Variants in ATXN7L1 observed in about 807,000 individuals in gnomAD.
ATXN7L1 encodes ataxin 7 like 1, also known as ataxin-7-like protein 1.
In ATXN7L1, 15 loss-of-function variants were observed where a neutral mutation model predicts 70.8. That is an observed-to-expected ratio of 0.21 (90% CI 0.14 to 0.33). The LOEUF is 0.33. Among genes scored for constraint, ATXN7L1 ranks in the 10% least tolerant of loss-of-function variants. The pLI, the probability that ATXN7L1 is intolerant of heterozygous loss-of-function variation, is 1.00. For synonymous variants in ATXN7L1, 440 were observed against 445.1 expected, an observed-to-expected ratio of 0.99 and a Z score of 0.14; for missense variants, 975 against 1,097.1, an observed-to-expected ratio of 0.89 and a Z score of 1.57.
intron 7 of ATXN7L1, among the ~76,000 whole-genome samples, chr7:105,637,388 C>A (rs1056028042): frequency 6.6e-6 from 1 of 152,220 alleles, no homozygotes; most frequent in Non-Finnish European, 1.5e-5. Flanking sequence ...ACACTGTATG[C>A]ATAAAAAACA....
At chr7:105,705,628 C>T (rs1793063534) in intron 3 of ATXN7L1, among the ~76,000 whole-genome samples, 1 of 152,190 alleles carries the variant, frequency 6.6e-6, no homozygotes, top group African/African-American at 2.4e-5. Flanking sequence ...CCATGCACCC[C>T]TGCCACTTGC....
At chr7:105,750,312 C>G (rs1403701982) in intron 3 of ATXN7L1, among the ~76,000 whole-genome samples, 1 of 150,604 alleles carries the variant, frequency 6.6e-6, no homozygotes, top group African/African-American at 2.4e-5. Context: ...GGATCTCACT[C>G]TATTGCCCGG....
At chr7:105,827,518 A>G (rs1394885104) in intron 2 of ATXN7L1, among the ~76,000 whole-genome samples, 1 of 152,210 alleles carries the variant, frequency 6.6e-6, no homozygotes, top group African/African-American at 2.4e-5. Context: ...CTTATATACC[A>G]AAGTTTTTCA....
At chr7:105,819,475 C>T (rs1809741893) in intron 2 of ATXN7L1, 2 of 775,000 alleles carry the variant, frequency 2.6e-6, no homozygotes, top group South Asian at 1.4e-5. Context: ...GTGTCCTTTC[C>T]CAGGGGGCTG....
chr7:105,778,899 C>G (rs1287612711), intron 3 of ATXN7L1, among the ~76,000 whole-genome samples: 1 of 152,198 alleles, frequency 6.6e-6, no homozygotes, highest in African/African-American at 2.4e-5. Flanking sequence ...TCTCCTTCTC[C>G]CTTACCTCAA....
chr7:105,718,550 T>C (rs1264579579), intron 3 of ATXN7L1, among the ~76,000 whole-genome samples: 5 of 151,602 alleles, frequency 3.3e-5, no homozygotes, highest in Non-Finnish European at 7.4e-5. Context: ...CGGGGAGAGG[T>C]GGACACAGAT....
At chr7:105,814,673 G>A (rs911332124) in intron 2 of ATXN7L1, among the ~76,000 whole-genome samples, 1 of 152,110 alleles carries the variant, frequency 6.6e-6, no homozygotes. Context: ...ATACAAGTGA[G>A]GAAGAATCAT....
At chr7:105,664,102 C>G (rs1203368830) in intron 4 of ATXN7L1, among the ~76,000 whole-genome samples, 1 of 152,132 alleles carries the variant, frequency 6.6e-6, no homozygotes, top group African/African-American at 2.4e-5. Context: ...CCCACTCCCC[C>G]AAAGGGGTGA....
intron 4 of ATXN7L1, among the ~76,000 whole-genome samples, chr7:105,658,009 A>G (rs1286012528): frequency 6.6e-6 from 1 of 152,224 alleles, no homozygotes. Context: ...TTATGAAAAG[A>G]AAATAATGTA....
At chr7:105,866,608 T>C (rs1423752046) in intron 2 of ATXN7L1, among the ~76,000 whole-genome samples, 1 of 152,184 alleles carries the variant, frequency 6.6e-6, no homozygotes, top group Non-Finnish European at 1.5e-5. Flanking sequence ...TCCAGGTCCA[T>C]TTGGCAGTCT....
At chr7:105,820,269 T>C (rs939329975) in intron 2 of ATXN7L1, among the ~76,000 whole-genome samples, 4 of 151,634 alleles carry the variant, frequency 2.6e-5, no homozygotes, top group African/African-American at 9.7e-5. Flanking sequence ...AAAGTGTACC[T>C]ATCACCAGCA....
At chr7:105,777,744 T>G (rs1802939035) in intron 3 of ATXN7L1, among the ~76,000 whole-genome samples, 1 of 152,190 alleles carries the variant, frequency 6.6e-6, no homozygotes, top group Non-Finnish European at 1.5e-5. Context: ...AGAGTGAGCT[T>G]CAGAAAACAG....
At chr7:105,826,354 A>C (rs897868126) in intron 2 of ATXN7L1, among the ~76,000 whole-genome samples, 3 of 152,238 alleles carry the variant, frequency 2.0e-5, no homozygotes, top group Non-Finnish European at 4.4e-5. Flanking sequence ...TGCTTCATCT[A>C]TAAAACAAGG....
At chr7:105,780,793 G>A (rs1179062084) in intron 3 of ATXN7L1, among the ~76,000 whole-genome samples, 1 of 152,220 alleles carries the variant, frequency 6.6e-6, no homozygotes, top group Non-Finnish European at 1.5e-5. Flanking sequence ...TTGCATGTAT[G>A]TGTGATGGGG....
intron 3 of ATXN7L1, among the ~76,000 whole-genome samples, chr7:105,782,746 C>G (rs479506): frequency 0.24 from 36,409 of 152,164 alleles, 4,950 homozygotes; most frequent in Admixed American, 0.38. Context: ...TGAATGTAAA[C>G]CAATATTTGC....
At chr7:105,852,965 T>A (rs1160011175) in intron 2 of ATXN7L1, among the ~76,000 whole-genome samples, 1 of 152,058 alleles carries the variant, frequency 6.6e-6, no homozygotes, top group Non-Finnish European at 1.5e-5. Flanking sequence ...GGACACACAC[T>A]GCATGAATCC....
At chr7:105,797,674 A>T (rs1806192978) in intron 2 of ATXN7L1, among the ~76,000 whole-genome samples, 1 of 152,256 alleles carries the variant, frequency 6.6e-6, no homozygotes. Context: ...CACAGAAGGG[A>T]TATAAAAAAT....
At chr7:105,705,820 C>T (rs779021543) in intron 3 of ATXN7L1, among the ~76,000 whole-genome samples, 4 of 152,204 alleles carry the variant, frequency 2.6e-5, no homozygotes, top group Admixed American at 6.5e-5. Flanking sequence ...CTATCCTGAA[C>T]CTCTGCCAGG....
At chr7:105,686,626 C>A (rs564920) in intron 3 of ATXN7L1, among the ~76,000 whole-genome samples, 3 of 152,166 alleles carry the variant, frequency 2.0e-5, no homozygotes, top group Non-Finnish European at 2.9e-5. Context: ...AACCTACAGT[C>A]GGGCAGAATG....
Sources: allele counts gnomAD v4.1 joint callset (sites outside exome capture counted in the v4.1 genomes callset), GRCh38; gene constraint gnomAD v4.1.1; transcripts MANE v1.5; gene names NCBI Gene and HGNC (gene_info 2026-07-23, HGNC 2026-07-21).